The following POMT1 variants were observed in gnomAD, a reference collection of about 807,000 sequenced individuals.
POMT1 encodes protein O-mannosyl-transferase 1.
Under a neutral mutation model 101.6 loss-of-function variants are expected in POMT1, and 85 were observed. That is an observed-to-expected ratio of 0.84 (90% CI 0.70 to 1.00). The LOEUF is 1.00. Ranked by LOEUF, POMT1 falls within the 50% of genes least tolerant of loss-of-function variation. The pLI is 0.00. For missense variants in POMT1, 857 were observed against 930.4 expected, an observed-to-expected ratio of 0.92 and a Z score of 1.03; for synonymous variants, 371 against 383.0, an observed-to-expected ratio of 0.97 and a Z score of 0.37.
intron 17 of POMT1, 138 bp from the exon 18 acceptor site, chr9:131,521,208 A>G: frequency 8.5e-7 from 1 of 1,177,222 alleles, no homozygotes; most frequent in Non-Finnish European, 1.2e-6. Context: ...AGTAAGGCCT[A>G]GTGGATGCTA....
intron 4 of POMT1, 76 bp downstream of exon 4, chr9:131,506,529 C>G: frequency 7.1e-7 from 1 of 1,401,424 alleles, no homozygotes; most frequent in Non-Finnish European, 1.0e-6. Flanking sequence ...TAAGGATTAA[C>G]AACTGTGGCT....
chr9:131,511,808 A>C, intron 10 of POMT1: 1 of 590,290 alleles, frequency 1.7e-6, no homozygotes, highest in Non-Finnish European at 3.0e-6. Flanking sequence ...CCCTTTGCAG[A>C]AACTTTAGGA....
Position 131,522,845 on chromosome 9 carries a change from C to A in POMT1, c.2004-87C>A. ...AGAACCCCAGGCCTCGGGGGGTGAC[C>A]GTGTGGACAGCAGATGCCAAGAGGG... is the stretch of plus-strand genomic sequence containing the variant. On this transcript the variant is annotated intron_variant, in intron 19 of 19. Coordinates refer to ENST00000402686, the MANE Select transcript of POMT1 (RefSeq NM_001077365.2). This position sits in a 1 kb window ranked among gnomAD's most constrained non-coding sequence, Gnocchi z 5.5. The A allele has an allele frequency of 2.2e-6, 3 of 1,366,038 alleles. No homozygotes were observed. The highest frequency in any genetic ancestry group is 3.0e-6 in the Non-Finnish European group (3 of 993,690). 84.6% of individuals were successfully genotyped at this position (1,366,038 alleles called of 1,614,324 possible). A position where few individuals can be genotyped will look rare whatever the true frequency, so the allele number is the denominator to read the frequency against.
At chr9:131,511,065 T>A in intron 9 of POMT1, 1 of 406,152 alleles carries the variant, frequency 2.5e-6, no homozygotes, top group South Asian at 3.2e-5. Flanking sequence ...ATCATTGCTC[T>A]TACCTCATTG....
intron 12 of POMT1, 88 bp downstream of exon 12, chr9:131,513,419 C>A: frequency 8.3e-7 from 1 of 1,198,384 alleles, no homozygotes. Flanking sequence ...CTGCCTTGGG[C>A]CGCTGCCCCC....
In POMT1 at chr9:131,515,476, A is replaced by G. The variant is rs1948104184; in HGVS notation, c.1226A>G (p.Tyr409Cys). ...CCCCATTCACAGGAGGTCTCCTGCT[A>G]CATTGACTATAACATCTCCATGCCC... ...LSPHSQEVSC[Y>C]IDYNISMPAQ... Residue 409 changes from tyrosine to cysteine, a missense_variant, in exon 13 of 20, where the codon TAC becomes TGC. Tyr to Cys is a radical substitution (Grantham distance 194). Coordinates refer to ENST00000402686, the MANE Select transcript of POMT1 (RefSeq NM_001077365.2). 1.2e-6 allele frequency: 2 copies of G among 1,614,104 alleles called. No individual in the cohort carries two copies. Among genetic ancestry groups the G allele is most frequent in the South Asian group, 2.2e-5 (2 of 91,094 alleles).
intron 11 of POMT1, among the ~76,000 whole-genome samples, chr9:131,512,620 A>AT (rs931327287): frequency 4.0e-5 from 6 of 149,516 alleles, no homozygotes; most frequent in South Asian, 2.1e-4. Context: ...TTTTCTTCTT[A>AT]TTTTTTCGGG....
rs1315200279 is a variant in POMT1, at chr9:131,509,969, C to A, written c.672C>A (p.His224Gln). Residue 224 changes from histidine to glutamine, a missense_variant, in exon 8 of 20, where the codon CAC becomes CAA. Transcript: ENST00000402686. ...GTGTTGCAGCTGTCCATGCCTGGCA[C>A]CTGCTTGGAGACCAGACTTTGTCCA... is the stretch of plus-strand genomic sequence containing the variant. ...VLGVAAVHAWHLLGDQTLSNV... is the reference protein window; with the variant it reads ...VLGVAAVHAWQLLGDQTLSNV... The A allele has an allele frequency of 5.0e-6, 8 of 1,614,120 alleles. No individual in the cohort carries two copies. Among genetic ancestry groups the A allele is most frequent in the African/African-American group, 1.3e-5 (1 of 74,946 alleles).
intron 12 of POMT1, 105 bp from the exon 13 acceptor site, chr9:131,515,321 C>T: frequency 8.6e-7 from 1 of 1,161,450 alleles, no homozygotes; most frequent in Non-Finnish European, 1.3e-6. Context: ...TATGGCTGAG[C>T]CGGCTTTGTT....
In POMT1 at chr9:131,522,955, T is replaced by C. The variant is rs1201402718; in HGVS notation, c.2027T>C (p.Phe676Ser). 3.8e-6 allele frequency: 6 copies of C among 1,597,636 alleles called. No individual in the cohort carries two copies. The East Asian group carries it at 1.1e-4, about 30-fold the overall frequency. ...AGGTCCCAGCTCCAGAGGAGCATCT[T>C]CAGCGCCCTGGTGGTGGCCTGGTAC... is the stretch of plus-strand genomic sequence containing the variant. ...LCRSQLQRSI[F>S]SALVVAWYSS... Residue 676 changes from phenylalanine to serine, a missense_variant, in exon 20 of 20, where the codon TTC (phenylalanine) becomes TCC (serine). Physicochemically the swap from Phe to Ser is radical, Grantham distance 155 (BLOSUM62 -2). Transcript: ENST00000402686. This position sits in a 1 kb window ranked among gnomAD's most constrained non-coding sequence, Gnocchi z 5.5.
At chr9:131,510,030 G>T in intron 8 of POMT1, 34 bp downstream of exon 8, 2 of 1,614,174 alleles carry the variant, frequency 1.2e-6, no homozygotes, top group Non-Finnish European at 1.7e-6. Flanking sequence ...CATGAGGCCG[G>T]CCTGTATGGG....
At chr9:131,520,241 C>T in intron 17 of POMT1, 48 bp downstream of exon 17, 1 of 1,495,254 alleles carries the variant, frequency 6.7e-7, no homozygotes, top group South Asian at 1.1e-5. Flanking sequence ...CATCCTGTTT[C>T]TTGAGAATTC....
In POMT1 at chr9:131,504,205, C is replaced by G. The variant is rs375589755; in HGVS notation, c.-14C>G. ...CTTTTCTAGGGCGTCTGCCTGAGCC[C>G]GCTTTTCTACAAGATGTGGGGATTT... On this transcript the variant is annotated 5_prime_UTR_variant, in exon 2 of 20. Coordinates refer to ENST00000402686, the MANE Select transcript of POMT1 (RefSeq NM_001077365.2). 6.2e-7 allele frequency: 1 copy of G among 1,614,070 alleles called. No individual in the cohort carries two copies. Among genetic ancestry groups the G allele is most frequent in the African/African-American group, 1.3e-5 (1 of 75,032 alleles).
chr9:131,506,309 G>T (rs1945803677), intron 3 of POMT1, 89 bp downstream of exon 3: 1 of 1,564,104 alleles, frequency 6.4e-7, no homozygotes, highest in Non-Finnish European at 8.8e-7. Context: ...GCAGAAACCA[G>T]GTCTTATTAT....
chr9:131,521,673 G>A (rs1949947895), intron 18 of POMT1, among the ~76,000 whole-genome samples: 1 of 152,122 alleles, frequency 6.6e-6, no homozygotes, highest in Non-Finnish European at 1.5e-5. Context: ...CCCTTAACGC[G>A]GCCTCTTTGT....
In POMT1 at chr9:131,519,322, C is replaced by T; in HGVS notation, c.1487-67C>T. On this transcript the variant is annotated intron_variant, in intron 15 of 19. Transcript: ENST00000402686. The surrounding 1 kb of genome is among the most constrained non-coding windows in gnomAD (Gnocchi z 4.3). ...GGAAGCCAGCTTTTTGCTGCACTGA[C>T]AGCTTCTGCTCTGAGCTCTTGACCT... 1 of 1,468,968 alleles carries T rather than the reference C, an allele frequency of 6.8e-7. No individual in the cohort carries two copies. Among genetic ancestry groups the T allele is most frequent in the South Asian group, 1.2e-5 (1 of 82,338 alleles). 91.0% of individuals were successfully genotyped at this position (1,468,968 alleles called of 1,614,324 possible).
intron 13 of POMT1, among the ~76,000 whole-genome samples, chr9:131,518,058 G>A (rs958507846): frequency 7.2e-5 from 11 of 152,404 alleles, no homozygotes; most frequent in Admixed American, 2.0e-4. Flanking sequence ...GGCAGGGACA[G>A]TGTCTGGCCT....
Position 131,523,175 on chromosome 9 carries a change from G to T in POMT1, c.*69G>T. 1 of 1,556,814 alleles carries T rather than the reference G, an allele frequency of 6.4e-7. No homozygotes were observed. Among genetic ancestry groups the T allele is most frequent in the Non-Finnish European group, 8.7e-7 (1 of 1,149,008 alleles). ...GGTTGAAGGGTCTTGGTCAATGTAC[G>T]TAATGAGCAGGGTGGGCCCCACGCT... On this transcript the variant is annotated 3_prime_UTR_variant, in exon 20 of 20. Coordinates refer to ENST00000402686, the MANE Select transcript of POMT1 (RefSeq NM_001077365.2).
chr9:131,516,059 AAC>A (rs1449788041), intron 13 of POMT1, among the ~76,000 whole-genome samples: 4 of 78,902 alleles, frequency 5.1e-5, no homozygotes, highest in African/African-American at 1.5e-4. Flanking sequence ...CACTTCCTCT[AAC>A]ACAGGACACT....
Sources: gnomAD v4.1 joint callset for allele counts (sites outside exome capture counted in the v4.1 genomes callset) on GRCh38, gnomAD v4.1.1 for gene constraint, Gnocchi (gnomAD v3.1) non-coding constraint, MANE v1.5 for transcripts, NCBI Gene and HGNC (gene_info 2026-07-23, HGNC 2026-07-21) for gene names.